Variants in PIBF1 observed in about 807,000 individuals in gnomAD.
The protein encoded by PIBF1 is progesterone immunomodulatory binding factor 1.
PIBF1 carries 90 observed loss-of-function variants against 112.5 expected under a neutral mutation model. That is an observed-to-expected ratio of 0.80 (90% CI 0.67 to 0.95). The LOEUF is 0.95. Among genes scored for constraint, PIBF1 ranks in the 40% least tolerant of loss-of-function variants. The pLI is 0.00. For synonymous variants in PIBF1, 301 were observed against 288.6 expected, an observed-to-expected ratio of 1.04 and a Z score of -0.44; for missense variants, 915 against 852.3, an observed-to-expected ratio of 1.07 and a Z score of -0.92.
intron 6 of PIBF1, among the ~76,000 whole-genome samples, chr13:72,823,826 G>A (rs1052848115): frequency 6.6e-6 from 1 of 152,062 alleles, no homozygotes; most frequent in African/African-American, 2.4e-5. Flanking sequence ...TGTTGGTTTT[G>A]TAATTTCATT....
rs2034425975 is a variant in PIBF1 at position 72,783,637 on chromosome 13, A to G, written c.168A>G (p.Leu56=). The G allele has an allele frequency of 2.5e-6, 4 of 1,613,938 alleles. No individual in the cohort carries two copies. The highest frequency in any genetic ancestry group is 3.4e-6 in the Non-Finnish European group (4 of 1,179,838). The part of the protein sequence containing the change: ...ITRQLIERKE[L]LHNIQLLKIE... ...GGCAGCTAATTGAACGAAAAGAACT[A>G]CTTCATAATATTCAGTTACTAAAAA... Residue 56 remains leucine (L), a synonymous_variant, in exon 2 of 18, where the codon CTA becomes CTG. Transcript: ENST00000326291.
chr13:72,913,078 A>G (rs892254587), intron 12 of PIBF1, among the ~76,000 whole-genome samples: 4 of 151,840 alleles, frequency 2.6e-5, no homozygotes, highest in Non-Finnish European at 1.5e-5. Context: ...TTTATTTTTA[A>G]AAAGACAAAA....
At position 72,917,854 on chromosome 13, in the gene PIBF1, T is replaced by C. The variant is rs112406000; in HGVS notation, c.1730+688T>C. Among the ~76,000 whole-genome samples, 653 of 152,288 alleles carry C rather than the reference T, an allele frequency of 4.3e-3. 10 individuals carry two copies. Among genetic ancestry groups the C allele is most frequent in the African/African-American group, 0.015 (607 of 41,552 alleles). On this transcript the variant is annotated intron_variant, in intron 13 of 17. Transcript: ENST00000326291. ...TTAGGTATTATAAGTAATCTAGAGA[T>C]GATTTAAAGTATATGGGAGGATATG... is the stretch of plus-strand genomic sequence containing the variant.
chr13:72,824,145 C>G (rs2036690631), intron 6 of PIBF1, among the ~76,000 whole-genome samples: 1 of 151,606 alleles, frequency 6.6e-6, no homozygotes, highest in Non-Finnish European at 1.5e-5. Context: ...TCCCAAGTAG[C>G]TGGGACTACA....
intron 3 of PIBF1, among the ~76,000 whole-genome samples, chr13:72,793,907 T>C (rs549008429): frequency 3.3e-5 from 5 of 152,318 alleles, no homozygotes; most frequent in African/African-American, 9.6e-5. Flanking sequence ...TAGAAATCCA[T>C]GTGGAGGTAT....
intron 16 of PIBF1, among the ~76,000 whole-genome samples, chr13:72,996,091 G>C (rs188533556): frequency 0.021 from 2,520 of 120,238 alleles, 387 homozygotes; most frequent in South Asian, 0.039. Flanking sequence ...AAAAAGCGGG[G>C]GGGGGGGGTC....
At chr13:72,868,620 A>C (rs989993242) in intron 10 of PIBF1, among the ~76,000 whole-genome samples, 1 of 152,160 alleles carries the variant, frequency 6.6e-6, no homozygotes, top group Non-Finnish European at 1.5e-5. Context: ...ACATTTGATT[A>C]AGAAGTAAGT....
chr13:72,842,814 G>A (rs1456497496), intron 9 of PIBF1, among the ~76,000 whole-genome samples: 1 of 152,064 alleles, frequency 6.6e-6, no homozygotes, highest in Non-Finnish European at 1.5e-5. Flanking sequence ...TGAAGTATAT[G>A]GCTCTGCAGA....
intron 9 of PIBF1, among the ~76,000 whole-genome samples, chr13:72,837,125 A>G (rs2037397534): frequency 6.6e-6 from 1 of 152,116 alleles, no homozygotes; most frequent in African/African-American, 2.4e-5. Context: ...CTATCTTAGC[A>G]GTAGACAAAC....
At chr13:72,939,386 CCT>C (rs1187800728) in intron 14 of PIBF1, among the ~76,000 whole-genome samples, 1 of 152,164 alleles carries the variant, frequency 6.6e-6, no homozygotes, top group African/African-American at 2.4e-5. Flanking sequence ...AATACCCACT[CCT>C]CTTTGCCCCC....
At chr13:72,910,658 TAAGAG>T (rs1385536065) in intron 12 of PIBF1, among the ~76,000 whole-genome samples, 4 of 152,304 alleles carry the variant, frequency 2.6e-5, no homozygotes, top group Non-Finnish European at 5.9e-5. Context: ...GAGATAAGGA[TAAGAG>T]AAGATATATA....
At chr13:72,817,566 C>CT (rs1167832985) in intron 5 of PIBF1, among the ~76,000 whole-genome samples, 3 of 152,180 alleles carry the variant, frequency 2.0e-5, no homozygotes, top group African/African-American at 7.2e-5. Context: ...TTACAGAAAA[C>CT]TTCCTTAGAG....
chr13:72,942,677 C>G (rs1481619055), intron 14 of PIBF1, among the ~76,000 whole-genome samples: 1 of 152,100 alleles, frequency 6.6e-6, no homozygotes, highest in African/African-American at 2.4e-5. Flanking sequence ...CTTTGCCTTT[C>G]AAAATGTTTG....
At chr13:72,840,639 T>C (rs2138236826) in intron 9 of PIBF1, among the ~76,000 whole-genome samples, 1 of 151,768 alleles carries the variant, frequency 6.6e-6, no homozygotes, top group East Asian at 2.0e-4. Flanking sequence ...TTCTCCTGTC[T>C]CAGCCTTCTG....
chr13:72,886,712 A>G (rs1433020336), intron 10 of PIBF1, among the ~76,000 whole-genome samples: 1 of 152,074 alleles, frequency 6.6e-6, no homozygotes, highest in South Asian at 2.1e-4. Context: ...TTATAAATCC[A>G]TGGTACAGTT....
chr13:72,812,352 T>G (rs1368029475), intron 5 of PIBF1, among the ~76,000 whole-genome samples: 1 of 152,218 alleles, frequency 6.6e-6, no homozygotes, highest in Non-Finnish European at 1.5e-5. Flanking sequence ...TAATTTATAA[T>G]AGAGTACTAT....
chr13:72,937,919 T>G (rs894614432), intron 14 of PIBF1, among the ~76,000 whole-genome samples: 3 of 152,230 alleles, frequency 2.0e-5, no homozygotes, highest in African/African-American at 7.2e-5. Flanking sequence ...CCTTGTGCTC[T>G]TTATTCCTTT....
rs751545394 is a variant in PIBF1, at chr13:72,908,518, C to G, written c.1489-13C>G. 3 of 1,568,094 alleles carry G rather than the reference C, an allele frequency of 1.9e-6. No individual in the cohort carries two copies. The highest frequency in any genetic ancestry group is 1.2e-5 in the South Asian group (1 of 83,766). ...TTAATTCTGCCTTTGTAATTCTTCTCTTTCACTATTAGGTTTTAACCAAAG... is the reference window on the plus strand; with the variant it reads ...TTAATTCTGCCTTTGTAATTCTTCTGTTTCACTATTAGGTTTTAACCAAAG... On this transcript the variant is annotated splice_polypyrimidine_tract_variant and intron_variant, in intron 11 of 17. Transcript: ENST00000326291.
intron 2 of PIBF1, among the ~76,000 whole-genome samples, chr13:72,784,450 GTAA>G (rs956181370): frequency 4.1e-5 from 6 of 146,376 alleles, no homozygotes; most frequent in Non-Finnish European, 6.0e-5. Context: ...TCAAAAACTA[GTAA>G]TAATAATAAT....
Sources: allele counts gnomAD v4.1 joint callset (sites outside exome capture counted in the v4.1 genomes callset), GRCh38; gene constraint gnomAD v4.1.1; transcripts MANE v1.5; gene names NCBI Gene and HGNC (gene_info 2026-07-23, HGNC 2026-07-21).